Variants in IPO11 observed in about 807,000 individuals in gnomAD.
IPO11 encodes the protein importin 11, also known as importin-11.
Under a neutral mutation model 143.2 loss-of-function variants are expected in IPO11, and 66 were observed. That is an observed-to-expected ratio of 0.46 (90% CI 0.38 to 0.57). The LOEUF (loss-of-function observed/expected upper bound fraction) is 0.57. Among genes scored for constraint, IPO11 ranks in the 20% least tolerant of loss-of-function variants. The probability of loss-of-function intolerance (pLI) is 0.00; values close to 1 mark genes in which losing one functional copy is unlikely to be tolerated. For synonymous variants in IPO11, 385 were observed against 377.8 expected (o/e 1.02, Z -0.22); for missense variants, 1,026 against 1,141.0 (o/e 0.90, Z 1.45).
chr5:62,584,710 T>G (rs1161926380), intron 27 of IPO11, among the ~76,000 whole-genome samples: 1 of 149,296 alleles, frequency 6.7e-6, no homozygotes, highest in South Asian at 2.1e-4. Flanking sequence ...AGTGCTGTAC[T>G]GTCTGAAGCA....
chr5:62,541,296 G>A (rs1043610854), intron 24 of IPO11, among the ~76,000 whole-genome samples: 1 of 151,858 alleles, frequency 6.6e-6, no homozygotes, highest in African/African-American at 2.4e-5. Flanking sequence ...GCTTGAACCC[G>A]GGAGGCAGAG....
At chr5:62,520,755 G>C (rs1345891268) in intron 20 of IPO11, among the ~76,000 whole-genome samples, 1 of 152,216 alleles carries the variant, frequency 6.6e-6, no homozygotes, top group Non-Finnish European at 1.5e-5. Flanking sequence ...GTCTATCATT[G>C]ATGGACATTT....
intron 9 of IPO11, 62 bp downstream of exon 9, chr5:62,476,815 A>T: frequency 7.1e-7 from 1 of 1,404,610 alleles, no homozygotes; most frequent in Non-Finnish European, 9.5e-7. Context: ...TACAAAGGAA[A>T]ATGATATTTT....
intron 3 of IPO11, among the ~76,000 whole-genome samples, chr5:62,444,900 A>G (rs956627138): frequency 1.3e-5 from 2 of 150,850 alleles, no homozygotes; most frequent in African/African-American, 2.4e-5. Flanking sequence ...ATATATATGT[A>G]TATATATATA....
intron 1 of IPO11, among the ~76,000 whole-genome samples, chr5:62,435,096 ATATG>A (rs1297763058): frequency 1.5e-5 from 1 of 67,716 alleles, no homozygotes; most frequent in East Asian, 4.2e-4. Flanking sequence ...ATATATGTAT[ATATG>A]TATATATATG....
chr5:62,471,349 A>G (rs1745767245), intron 7 of IPO11, among the ~76,000 whole-genome samples: 1 of 152,004 alleles, frequency 6.6e-6, no homozygotes, highest in Non-Finnish European at 1.5e-5. Flanking sequence ...TTTTTTGTAT[A>G]TTGAGGTTTG....
chr5:62,469,512 T>C (rs1163364333), intron 6 of IPO11, among the ~76,000 whole-genome samples: 1 of 152,204 alleles, frequency 6.6e-6, no homozygotes, highest in Non-Finnish European at 1.5e-5. Context: ...TAATGAACTT[T>C]TAATTTTGTC....
At chr5:62,531,705 C>G (rs1015091013) in intron 22 of IPO11, among the ~76,000 whole-genome samples, 5 of 152,146 alleles carry the variant, frequency 3.3e-5, no homozygotes, top group South Asian at 2.1e-4. Context: ...ACAATTGTAA[C>G]TGATTAAAAA....
Position 62,592,997 on chromosome 5 carries a change from G to T in IPO11, c.2678+1325G>T, listed in dbSNP as rs77259908. Among the ~76,000 whole-genome samples the T allele has an allele frequency of 3.6e-3, 547 of 152,312 alleles. 4 individuals are homozygous for T. Among genetic ancestry groups the T allele is most frequent in the African/African-American group, 0.013 (533 of 41,582 alleles). On this transcript the variant is annotated intron_variant, in intron 28 of 29. Transcript: ENST00000325324. ...TATGTGACAAAGTTTACAACTCAATGTGAAACATTTAGGATATGATCAGAT... is the reference window on the plus strand; with the variant it reads ...TATGTGACAAAGTTTACAACTCAATTTGAAACATTTAGGATATGATCAGAT...
chr5:62,527,719 A>G (rs893631688), intron 21 of IPO11, among the ~76,000 whole-genome samples: 4 of 152,186 alleles, frequency 2.6e-5, no homozygotes, highest in African/African-American at 7.2e-5. Flanking sequence ...GTTTTTTCCT[A>G]GCTTTTAGTT....
intron 7 of IPO11, among the ~76,000 whole-genome samples, chr5:62,470,908 A>T (rs1027441550): frequency 7.5e-6 from 1 of 133,924 alleles, no homozygotes; most frequent in Non-Finnish European, 1.5e-5. Flanking sequence ...GGTCTCTGCA[A>T]CCTCTGCCTC....
At chr5:62,442,656 C>T (rs961338558) in intron 2 of IPO11, among the ~76,000 whole-genome samples, 16 of 151,830 alleles carry the variant, frequency 1.1e-4, no homozygotes, top group Non-Finnish European at 1.9e-4. Context: ...GTCAAGAGGT[C>T]GAGACCAGCC....
At chr5:62,412,971 A>G (rs1743168123) in intron 1 of IPO11, 42 bp downstream of exon 1, 1 of 145,862 alleles carries the variant, frequency 6.9e-6, no homozygotes, top group African/African-American at 2.6e-5. Context: ...GCGGGAGTGG[A>G]AGGGAGTGGG....
At chr5:62,461,230 G>A (rs752270574) in intron 5 of IPO11, among the ~76,000 whole-genome samples, 6 of 152,098 alleles carry the variant, frequency 3.9e-5, no homozygotes, top group Non-Finnish European at 8.8e-5. Flanking sequence ...AAGGGTGGGA[G>A]GTTGGGGGGA....
chr5:62,536,511 G>A (rs183802282), intron 22 of IPO11, among the ~76,000 whole-genome samples, 191 bp from the exon 23 acceptor site: 291 of 152,118 alleles, frequency 1.9e-3, no homozygotes, highest in Non-Finnish European at 3.4e-3. Context: ...GTGATCATTG[G>A]TGACTGTACC....
intron 19 of IPO11, among the ~76,000 whole-genome samples, chr5:62,514,003 G>A (rs1215306853): frequency 6.6e-6 from 1 of 151,366 alleles, no homozygotes; most frequent in South Asian, 2.1e-4. Context: ...GGGCTGCCGG[G>A]CAGAGACGCT....
intron 5 of IPO11, among the ~76,000 whole-genome samples, chr5:62,455,651 G>A (rs1469323660): frequency 2.0e-5 from 3 of 152,106 alleles, no homozygotes; most frequent in Non-Finnish European, 4.4e-5. Flanking sequence ...TTCCTCCTCT[G>A]TGTTAAAATA....
intron 21 of IPO11, among the ~76,000 whole-genome samples, chr5:62,528,324 G>A (rs1215233366): frequency 3.9e-5 from 6 of 152,128 alleles, no homozygotes; most frequent in African/African-American, 1.4e-4. Context: ...GATGATAGGA[G>A]GGTTTTCACC....
At chr5:62,460,183 T>C (rs1308805471) in intron 5 of IPO11, among the ~76,000 whole-genome samples, 3 of 152,244 alleles carry the variant, frequency 2.0e-5, no homozygotes, top group African/African-American at 7.2e-5. Flanking sequence ...ATTTAATACT[T>C]TTATCCAGTT....
Sources: gnomAD v4.1 joint callset for allele counts (sites outside exome capture counted in the v4.1 genomes callset) on GRCh38, gnomAD v4.1.1 for gene constraint, MANE v1.5 for transcripts, NCBI Gene and HGNC (gene_info 2026-07-23, HGNC 2026-07-21) for gene names.